Variants in ARL15 observed in about 807,000 individuals in gnomAD.
The protein encoded by ARL15 is ARF like GTPase 15.
A neutral mutation model predicts 25.2 loss-of-function variants in ARL15; 19 were observed. The observed-to-expected ratio is 0.75, with a 90% CI of 0.53 to 1.10. ARL15 has a LOEUF of 1.10. Among genes scored for constraint, ARL15 ranks in the 50% least tolerant of loss-of-function variants. The probability of loss-of-function intolerance (pLI) is 0.00; values close to 1 mark genes in which losing one functional copy is unlikely to be tolerated. For missense variants in ARL15, 220 were observed against 246.0 expected, an observed-to-expected ratio of 0.89 and a Z score of 0.71; for synonymous variants, 94 against 86.8, an observed-to-expected ratio of 1.08 and a Z score of -0.46.
At chr5:54,192,767 G>T (rs1402431185) in intron 1 of ARL15, among the ~76,000 whole-genome samples, 2 of 152,142 alleles carry the variant, frequency 1.3e-5, no homozygotes, top group Non-Finnish European at 2.9e-5. Context: ...AAACGTAAGT[G>T]TCATGAAAGT....
intron 2 of ARL15, among the ~76,000 whole-genome samples, chr5:54,155,743 G>A (rs1280158960): frequency 1.3e-5 from 2 of 151,584 alleles, no homozygotes; most frequent in Non-Finnish European, 2.9e-5. Flanking sequence ...GATTCTTTCT[G>A]AAAGGATCCA....
chr5:53,971,998 T>C (rs62372397), intron 4 of ARL15, among the ~76,000 whole-genome samples: 11,112 of 152,268 alleles, frequency 0.073, 563 homozygotes, highest in Admixed American at 0.12. Flanking sequence ...TTAAAAATAA[T>C]CCAGTGTGGA....
intron 1 of ARL15, among the ~76,000 whole-genome samples, chr5:54,247,306 T>C (rs1757114444): frequency 6.6e-6 from 1 of 152,036 alleles, no homozygotes; most frequent in Non-Finnish European, 1.5e-5. Flanking sequence ...TAAGATTGAA[T>C]AGTTATTTAT....
chr5:53,906,788 A>G (rs954467964), intron 4 of ARL15, among the ~76,000 whole-genome samples: 6 of 152,202 alleles, frequency 3.9e-5, no homozygotes, highest in Non-Finnish European at 7.3e-5. Flanking sequence ...GTGCTGCATC[A>G]TAGATGTTTA....
At chr5:54,080,164 AAC>A (rs1751750580) in intron 4 of ARL15, among the ~76,000 whole-genome samples, 2 of 152,222 alleles carry the variant, frequency 1.3e-5, no homozygotes, top group South Asian at 4.1e-4. Context: ...CTTTCAATAA[AAC>A]ACAGGACATA....
intron 4 of ARL15, among the ~76,000 whole-genome samples, chr5:54,076,278 G>A (rs2112091722): frequency 6.6e-6 from 1 of 152,038 alleles, no homozygotes; most frequent in South Asian, 2.1e-4. Context: ...AAAATTAGCT[G>A]TGCATGGTGG....
intron 4 of ARL15, among the ~76,000 whole-genome samples, chr5:54,112,830 C>A (rs557756184): frequency 6.6e-6 from 1 of 151,800 alleles, no homozygotes; most frequent in Non-Finnish European, 1.5e-5. Flanking sequence ...CACCTGAAGG[C>A]GAGTAATGCA....
At chr5:53,939,446 T>C (rs919732767) in intron 4 of ARL15, among the ~76,000 whole-genome samples, 13 of 152,328 alleles carry the variant, frequency 8.5e-5, no homozygotes, top group African/African-American at 3.1e-4. Flanking sequence ...AATAGCAAGT[T>C]AGATGCTGGG....
chr5:53,928,479 A>G (rs181380023), intron 4 of ARL15, among the ~76,000 whole-genome samples: 22 of 152,314 alleles, frequency 1.4e-4, no homozygotes, highest in South Asian at 4.1e-4. Flanking sequence ...CAGGTTAAAG[A>G]AAGGAAGAGG....
At chr5:54,153,416 G>T (rs975274939) in intron 3 of ARL15, among the ~76,000 whole-genome samples, 1 of 152,078 alleles carries the variant, frequency 6.6e-6, no homozygotes, top group Non-Finnish European at 1.5e-5. Context: ...TGGTTAATAT[G>T]CCATACATTT....
intron 4 of ARL15, among the ~76,000 whole-genome samples, chr5:53,972,471 G>C (rs1476462387): frequency 6.6e-6 from 1 of 152,030 alleles, no homozygotes; most frequent in Non-Finnish European, 1.5e-5. Context: ...TTATTACCTT[G>C]AACAAGTCAT....
intron 1 of ARL15, among the ~76,000 whole-genome samples, chr5:54,297,213 C>T (rs563925083): frequency 1.3e-5 from 2 of 152,298 alleles, no homozygotes; most frequent in Non-Finnish European, 2.9e-5. Flanking sequence ...GCAGACTGGA[C>T]CCCCCTCAAG....
intron 1 of ARL15, among the ~76,000 whole-genome samples, chr5:54,249,760 A>T (rs1358284099): frequency 6.6e-6 from 1 of 152,060 alleles, no homozygotes; most frequent in Admixed American, 6.6e-5. Flanking sequence ...CAGAATTCCT[A>T]AGGCACGACA....
At chr5:54,210,347 CTATTT>C (rs1337555619) in intron 1 of ARL15, among the ~76,000 whole-genome samples, 2 of 152,108 alleles carry the variant, frequency 1.3e-5, no homozygotes, top group African/African-American at 2.4e-5. Context: ...TGCCTATTAT[CTATTT>C]TATTTTACTA....
intron 3 of ARL15, among the ~76,000 whole-genome samples, chr5:54,134,826 GC>G (rs1753554358): frequency 6.6e-6 from 1 of 151,844 alleles, no homozygotes; most frequent in Non-Finnish European, 1.5e-5. Flanking sequence ...ATGGTGATCT[GC>G]CCACCTCGGC....
chr5:53,989,386 A>G (rs1002452509), intron 4 of ARL15, among the ~76,000 whole-genome samples: 9 of 152,318 alleles, frequency 5.9e-5, no homozygotes, highest in South Asian at 2.1e-4. Flanking sequence ...GTAACTGACT[A>G]AACGGTGATT....
intron 4 of ARL15, among the ~76,000 whole-genome samples, chr5:53,993,046 C>A (rs1417413997): frequency 2.9e-4 from 40 of 138,208 alleles, no homozygotes; most frequent in South Asian, 9.1e-4. Flanking sequence ...AACTCCTTCT[C>A]AAAAAAAAAA....
At chr5:54,156,115 A>T (rs1029230620) in intron 2 of ARL15, among the ~76,000 whole-genome samples, 3 of 152,236 alleles carry the variant, frequency 2.0e-5, no homozygotes, top group Admixed American at 6.5e-5. Flanking sequence ...ATAAAGAAGG[A>T]AATCATTACA....
At chr5:54,012,826 T>G in intron 4 of ARL15, among the ~76,000 whole-genome samples, 1 of 65,142 alleles carries the variant, frequency 1.5e-5, no homozygotes, top group Non-Finnish European at 3.1e-5. Flanking sequence ...GCTGGACTCT[T>G]TTTTTTTTTT....
Sources: gnomAD v4.1 joint callset for allele counts (sites outside exome capture counted in the v4.1 genomes callset) on GRCh38, gnomAD v4.1.1 for gene constraint, MANE v1.5 for transcripts, NCBI Gene and HGNC (gene_info 2026-07-23, HGNC 2026-07-21) for gene names.